The following TUBGCP4 variants were observed in gnomAD, a reference collection of about 807,000 sequenced individuals.
TUBGCP4 encodes gamma-tubulin complex component 4.
TUBGCP4 carries 54 observed loss-of-function variants against 91.6 expected under a neutral mutation model. The observed-to-expected ratio is 0.59, with a 90% confidence interval of 0.47 to 0.74. The LOEUF (loss-of-function observed/expected upper bound fraction) is 0.74. TUBGCP4 is among the 30% of genes least tolerant of loss of function. The pLI is 0.00. For synonymous variants in TUBGCP4, 297 were observed against 302.8 expected (o/e 0.98, Z 0.20); for missense variants, 593 against 800.9 (o/e 0.74, Z 3.13).
chr15:43,392,117 C>CACACAT, intron 9 of TUBGCP4, among the ~76,000 whole-genome samples: 1 of 146,496 alleles, frequency 6.8e-6, no homozygotes, highest in Middle Eastern at 3.5e-3. Flanking sequence ...CACACACACA[C>CACACAT]ACATATTTTT....
At chr15:43,380,435 C>T (rs1181665299) in intron 6 of TUBGCP4, among the ~76,000 whole-genome samples, 1 of 152,174 alleles carries the variant, frequency 6.6e-6, no homozygotes, top group Non-Finnish European at 1.5e-5. Context: ...TCCTGTTATC[C>T]TTGCAGGAAT....
intron 13 of TUBGCP4, chr15:43,399,301 G>A (rs2044629724): frequency 3.1e-6 from 1 of 322,884 alleles, no homozygotes; most frequent in South Asian, 4.3e-5. Flanking sequence ...TGTCTCAGAG[G>A]GAAGCTATTT....
intron 15 of TUBGCP4, 119 bp from the exon 16 acceptor site, chr15:43,403,564 C>G: frequency 1.3e-6 from 1 of 749,892 alleles, no homozygotes; most frequent in South Asian, 1.8e-5. Context: ...TCTATCCTGT[C>G]AGATTTGGGA....
chr15:43,371,475 G>A (rs755845196), intron 1 of TUBGCP4, 43 bp downstream of exon 1: 8 of 1,603,402 alleles, frequency 5.0e-6, no homozygotes, highest in Admixed American at 1.7e-5. Flanking sequence ...AGCGCAGGAG[G>A]GGGGACCTGA....
At chr15:43,400,297 G>T in intron 14 of TUBGCP4, 76 bp downstream of exon 14, 1 of 1,196,298 alleles carries the variant, frequency 8.4e-7, no homozygotes, top group South Asian at 1.7e-5. Flanking sequence ...ATTGAATAGG[G>T]ACTACAAGTT....
At chr15:43,380,301 C>T in intron 6 of TUBGCP4, 138 bp downstream of exon 6, 1 of 754,014 alleles carries the variant, frequency 1.3e-6, no homozygotes, top group Non-Finnish European at 2.2e-6. Context: ...GCTCCATGAG[C>T]AGAGGAGCCC....
Position 43,386,345 on chromosome 15 carries a change from G to GTA in TUBGCP4, c.1014+47_1014+48dup, listed in dbSNP as rs542775386. On this transcript the variant is annotated intron_variant, in intron 9 of 17. Transcript: ENST00000564079. The stretch of plus-strand genomic sequence containing the variant: ...CTGTGGCTGAGGTTTGTGTTTCATC[G>GTA]TATATATATATATATATATATATAT... 1.6e-3 allele frequency: 518 copies of GTA among 317,522 alleles called. 15 individuals are homozygous for GTA. The highest frequency in any genetic ancestry group is 2.3e-3 in the African/African-American group (33 of 14,620). 19.7% of individuals were successfully genotyped at this position (317,522 alleles called of 1,614,324 possible). A position where few individuals can be genotyped will look rare whatever the true frequency, so the allele number is the denominator to read the frequency against.
chr15:43,381,130 C>T (rs879936239), intron 6 of TUBGCP4, among the ~76,000 whole-genome samples: 1 of 152,158 alleles, frequency 6.6e-6, no homozygotes, highest in African/African-American at 2.4e-5. Flanking sequence ...AATCTCCACT[C>T]TAACCACTGC....
chr15:43,396,310 C>T lies in TUBGCP4; in HGVS notation c.1171+622C>T, dbSNP rs533978678. Among the ~76,000 whole-genome samples the T allele has an allele frequency of 2.6e-5, 4 of 152,350 alleles. No individual in the cohort carries two copies. In the East Asian group the frequency reaches 5.8e-4, roughly 22 times the overall value. On this transcript the variant is annotated intron_variant, in intron 11 of 17. Coordinates refer to ENST00000564079, the MANE Select transcript of TUBGCP4 (RefSeq NM_014444.5). Reference sequence around the variant, plus strand: ...TCTAGGTTTTGATTGGCCCAGCCCACATCACATCCCTATCCCTGTATCAGT... The same window carrying T: ...TCTAGGTTTTGATTGGCCCAGCCCATATCACATCCCTATCCCTGTATCAGT...
intron 10 of TUBGCP4, 162 bp downstream of exon 10, chr15:43,395,319 C>G: frequency 1.3e-6 from 1 of 774,186 alleles, no homozygotes. Flanking sequence ...CACAAATCTA[C>G]GATAATACAA....
chr15:43,405,542 A>G lies in TUBGCP4; in HGVS notation c.*328A>G. ...GTACTGTTCAAGCTGTGGGAGATAC[A>G]GCGGTAAACAAACAATATAGAGCAG... On this transcript the variant is annotated 3_prime_UTR_variant, in exon 18 of 18. Coordinates refer to ENST00000564079, the MANE Select transcript of TUBGCP4 (RefSeq NM_014444.5). 3.1e-6 allele frequency: 1 copy of G among 326,522 alleles called. No individual in the cohort carries two copies. The highest frequency in any genetic ancestry group is 5.6e-6 in the Non-Finnish European group (1 of 177,966). 20.2% of individuals were successfully genotyped at this position (326,522 alleles called of 1,614,324 possible). A position where few individuals can be genotyped will look rare whatever the true frequency, so the allele number is the denominator to read the frequency against.
intron 10 of TUBGCP4, 34 bp from the exon 11 acceptor site, chr15:43,395,549 T>A: frequency 6.5e-7 from 1 of 1,534,748 alleles, no homozygotes; most frequent in Non-Finnish European, 9.0e-7. Flanking sequence ...CCTGCCTTGC[T>A]TTACTGAATT....
intron 9 of TUBGCP4, among the ~76,000 whole-genome samples, chr15:43,391,225 G>T (rs906353658): frequency 2.0e-5 from 3 of 151,512 alleles, no homozygotes; most frequent in African/African-American, 7.3e-5. Context: ...CCAGAGACAG[G>T]GTCTTGTTCT....
chr15:43,408,017 T>A lies in TUBGCP4; in HGVS notation c.*2803T>A. 1 of 1,614,076 alleles carries A rather than the reference T, an allele frequency of 6.2e-7. No individual in the cohort carries two copies. The highest frequency in any genetic ancestry group is 8.5e-7 in the Non-Finnish European group (1 of 1,179,996). ...AGTCATGAGGATCTCAGACCAGAGC[T>A]CCAGGAAGTTCTGCTGTTGGTCTGA... On this transcript the variant is annotated 3_prime_UTR_variant, in exon 18 of 18. Transcript: ENST00000564079.
At chr15:43,371,826 TAA>T (rs1369350364) in intron 1 of TUBGCP4, among the ~76,000 whole-genome samples, 1 of 152,220 alleles carries the variant, frequency 6.6e-6, no homozygotes, top group Admixed American at 6.5e-5. Context: ...AAGCGCTCAG[TAA>T]AGTTTGTTGA....
chr15:43,376,997 A>T lies in TUBGCP4; in HGVS notation c.331-17A>T. ...ATATTTTGTGTGGAGCTCTAATCAC[A>T]AAGTTTTTTATTGCAGTTCCTGGGT... On this transcript the variant is annotated splice_polypyrimidine_tract_variant and intron_variant, in intron 3 of 17. Transcript: ENST00000564079. The T allele has an allele frequency of 6.2e-7, 1 of 1,609,534 alleles. No homozygotes were observed. Among genetic ancestry groups the T allele is most frequent in the Non-Finnish European group, 8.5e-7 (1 of 1,176,082 alleles).
Position 43,401,869 on chromosome 15 carries a change from T to C in TUBGCP4, c.1731+19T>C. On this transcript the variant is annotated intron_variant, in intron 15 of 17. Coordinates refer to ENST00000564079, the MANE Select transcript of TUBGCP4 (RefSeq NM_014444.5). ...GAAACCTGTAAGTAAGGCTCATTGG[T>C]TTCCTCAGACTGCTTCTACCACTGA... 1 of 1,613,644 alleles carries C rather than the reference T, an allele frequency of 6.2e-7. No homozygotes were observed. Among genetic ancestry groups the C allele is most frequent in the South Asian group, 1.1e-5 (1 of 90,990 alleles).
intron 17 of TUBGCP4, 118 bp from the exon 18 acceptor site, chr15:43,405,084 G>A: frequency 8.3e-7 from 1 of 1,197,874 alleles, no homozygotes; most frequent in Non-Finnish European, 1.2e-6. Context: ...AGAGTCAAAA[G>A]AAACTCTTCA....
chr15:43,407,076 G>T lies in TUBGCP4; in HGVS notation c.*1862G>T. 1 of 293,146 alleles carries T rather than the reference G, an allele frequency of 3.4e-6. No homozygotes were observed. The allele number at this position is 293,146 out of a possible 1,614,324, so 18.2% of individuals were successfully genotyped here. A position where few individuals can be genotyped will look rare whatever the true frequency, so the allele number is the denominator to read the frequency against. On this transcript the variant is annotated 3_prime_UTR_variant, in exon 18 of 18. Transcript: ENST00000564079. The stretch of plus-strand genomic sequence containing the variant: ...TTTGGGAATGATGCCACAGAATAAA[G>T]TTCACTCTTAACTTTTCAATTTCCT...
Sources: gnomAD v4.1 joint callset for allele counts (sites outside exome capture counted in the v4.1 genomes callset) on GRCh38, gnomAD v4.1.1 for gene constraint, MANE v1.5 for transcripts, NCBI Gene and HGNC (gene_info 2026-07-23, HGNC 2026-07-21) for gene names.